The following CDH7 variants were observed in gnomAD, a reference collection of about 807,000 sequenced individuals.
CDH7 encodes cadherin-7.
In CDH7, 25 loss-of-function variants were observed where a neutral mutation model predicts 71.8. That is an observed-to-expected ratio of 0.35 (90% CI 0.25 to 0.49). The LOEUF (loss-of-function observed/expected upper bound fraction) is 0.49. CDH7 is among the 20% of genes least tolerant of loss of function. The pLI is 0.99. For synonymous variants in CDH7, 381 were observed against 363.8 expected, an observed-to-expected ratio of 1.05 and a Z score of -0.54; for missense variants, 862 against 974.6, an observed-to-expected ratio of 0.88 and a Z score of 1.54.
chr18:65,794,633 C>T (rs1376265989), intron 2 of CDH7, among the ~76,000 whole-genome samples: 1 of 151,070 alleles, frequency 6.6e-6, no homozygotes, highest in Non-Finnish European at 1.5e-5. Context: ...TTTAAGTTCA[C>T]GTTTTTGCCT....
intron 11 of CDH7, among the ~76,000 whole-genome samples, chr18:65,866,809 T>G (rs1913776681): frequency 6.6e-6 from 1 of 152,170 alleles, no homozygotes; most frequent in South Asian, 2.1e-4. Flanking sequence ...CTTTCTGATT[T>G]CTCATTCTTG....
intron 8 of CDH7, among the ~76,000 whole-genome samples, chr18:65,858,724 G>GTA (rs780312106): frequency 2.6e-5 from 4 of 151,824 alleles, no homozygotes; most frequent in Admixed American, 2.0e-4. Context: ...ATGTATGTGT[G>GTA]TATATATATA....
chr18:65,850,164 A>G (rs1913094517), intron 7 of CDH7, among the ~76,000 whole-genome samples: 1 of 29,222 alleles, frequency 3.4e-5, no homozygotes, highest in Non-Finnish European at 9.0e-5. Context: ...ACCCTGCCAC[A>G]CTATATATAA....
At chr18:65,795,048 T>C (rs1427166716) in intron 2 of CDH7, among the ~76,000 whole-genome samples, 1 of 151,872 alleles carries the variant, frequency 6.6e-6, no homozygotes, top group Non-Finnish European at 1.5e-5. Context: ...AAATATGAAG[T>C]AAAGTAGTAT....
chr18:65,854,932 T>TATATATATACAC (rs67623413), intron 7 of CDH7, among the ~76,000 whole-genome samples: 7 of 148,772 alleles, frequency 4.7e-5, no homozygotes, highest in East Asian at 2.0e-4. Flanking sequence ...TATATATATA[T>TATATATATACAC]ACACACACAT....
intron 6 of CDH7, among the ~76,000 whole-genome samples, chr18:65,829,593 TAA>T (rs1326132613): frequency 2.0e-5 from 3 of 151,948 alleles, no homozygotes; most frequent in Non-Finnish European, 4.4e-5. Flanking sequence ...GAGAGCAACG[TAA>T]AGTTTTTTCC....
chr18:65,767,658 A>C lies in CDH7; in HGVS notation c.210+4606A>C, dbSNP rs190702102. On this transcript the variant is annotated intron_variant, in intron 2 of 11. Transcript: ENST00000397968. Reference sequence around the variant, plus strand: ...TCATAATAACTTTACAACTAGAGTCAATTTGTAAAGGCATTTGTTCTCTGT... The same window carrying C: ...TCATAATAACTTTACAACTAGAGTCCATTTGTAAAGGCATTTGTTCTCTGT... Among the ~76,000 whole-genome samples, 499 of 152,312 alleles carry C rather than the reference A, an allele frequency of 3.3e-3. 1 individual carries two copies. The highest frequency in any genetic ancestry group is 5.9e-3 in the Non-Finnish European group (402 of 68,026).
chr18:65,830,894 T>G, intron 6 of CDH7, among the ~76,000 whole-genome samples: 1 of 151,928 alleles, frequency 6.6e-6, no homozygotes, highest in Non-Finnish European at 1.5e-5. Context: ...TTGCTTCACC[T>G]CTAAGTTATT....
At chr18:65,853,499 T>C (rs762190873) in intron 7 of CDH7, among the ~76,000 whole-genome samples, 11 of 152,078 alleles carry the variant, frequency 7.2e-5, no homozygotes, top group South Asian at 2.1e-4. Context: ...TTTTCTCAAG[T>C]GACTTTATAC....
Position 65,762,816 on chromosome 18 carries a change from C to T in CDH7, c.-27C>T. On this transcript the variant is annotated 5_prime_UTR_variant, in exon 2 of 12. Coordinates refer to ENST00000397968, the MANE Select transcript of CDH7 (RefSeq NM_004361.5). ...TTCTCTTGTCAAGGTTTTTTTCTTA[C>T]ACAGGAAAAAGAAAGAAAAAAAAAA... The T allele has an allele frequency of 6.3e-7, 1 of 1,588,312 alleles. No individual in the cohort carries two copies. The highest frequency in any genetic ancestry group is 2.2e-5 in the East Asian group (1 of 44,508).
At chr18:65,778,835 C>T (rs1910065267) in intron 2 of CDH7, among the ~76,000 whole-genome samples, 1 of 151,906 alleles carries the variant, frequency 6.6e-6, no homozygotes, top group Non-Finnish European at 1.5e-5. Context: ...ACAAAACACA[C>T]TCATTTAATG....
At chr18:65,818,096 G>T (rs1042702026) in intron 4 of CDH7, among the ~76,000 whole-genome samples, 1 of 152,026 alleles carries the variant, frequency 6.6e-6, no homozygotes, top group African/African-American at 2.4e-5. Context: ...GTTACAAATT[G>T]TACTCATAAT....
At chr18:65,806,289 T>TG (rs1911317812) in intron 2 of CDH7, among the ~76,000 whole-genome samples, 1 of 133,314 alleles carries the variant, frequency 7.5e-6, no homozygotes, top group African/African-American at 3.0e-5. Flanking sequence ...TGTGCTCATT[T>TG]GAAAAAAAAA....
At chr18:65,869,105 G>A (rs1468006395) in intron 11 of CDH7, among the ~76,000 whole-genome samples, 4 of 152,054 alleles carry the variant, frequency 2.6e-5, no homozygotes, top group African/African-American at 7.2e-5. Flanking sequence ...CCAGGCTTCC[G>A]TCTTCTCGCT....
In CDH7 at chr18:65,880,409, C is replaced by T. The variant is rs780793216; in HGVS notation, c.1873C>T (p.Leu625Phe). 3 of 1,533,828 alleles carry T rather than the reference C, an allele frequency of 2.0e-6. No homozygotes were observed. Among genetic ancestry groups the T allele is most frequent in the Admixed American group, 2.2e-5 (1 of 45,318 alleles). The change falls in exon 12 of 12, where the codon CTC becomes TTC. Residue 625 changes from leucine (L) to phenylalanine (F), a missense_variant. Coordinates refer to ENST00000397968, the MANE Select transcript of CDH7 (RefSeq NM_004361.5). ...ACVLTLLVLI[L>F]LIVTMRRRKK... Reference sequence around the variant, plus strand: ...CTGTCTTATTGTTTCAGTGTTGATCCTCCTTATCGTCACTATGAGAAGACG... The same window carrying T: ...CTGTCTTATTGTTTCAGTGTTGATCTTCCTTATCGTCACTATGAGAAGACG...
intron 2 of CDH7, among the ~76,000 whole-genome samples, chr18:65,767,805 C>G (rs1916421384): frequency 6.6e-6 from 1 of 152,184 alleles, no homozygotes. Flanking sequence ...TTATATTCAG[C>G]TCTTATAATA....
chr18:65,853,987 A>T (rs1913255387), intron 7 of CDH7, among the ~76,000 whole-genome samples: 1 of 138,258 alleles, frequency 7.2e-6, no homozygotes, highest in Admixed American at 7.7e-5. Context: ...TGGGGATTAT[A>T]GTTATTAACA....
At chr18:65,862,291 C>T (rs528671439) in intron 10 of CDH7, among the ~76,000 whole-genome samples, 164 of 152,168 alleles carry the variant, frequency 1.1e-3, no homozygotes, top group Admixed American at 2.1e-3. Flanking sequence ...GATGATACTG[C>T]AAAATATTTA....
intron 2 of CDH7, among the ~76,000 whole-genome samples, chr18:65,765,559 G>A (rs1916333496): frequency 6.6e-6 from 1 of 151,630 alleles, no homozygotes; most frequent in African/African-American, 2.4e-5. Flanking sequence ...GTGAAGAAAT[G>A]GCTGGGCAGA....
Sources: gnomAD v4.1 joint callset for allele counts (sites outside exome capture counted in the v4.1 genomes callset) on GRCh38, gnomAD v4.1.1 for gene constraint, MANE v1.5 for transcripts, NCBI Gene and HGNC (gene_info 2026-07-23, HGNC 2026-07-21) for gene names.